TFEC: variants seen among roughly 807,000 people sequenced by gnomAD.
TFEC encodes transcription factor EC.
Under a neutral mutation model 41.6 loss-of-function variants are expected in TFEC, and 31 were observed. The ratio of observed to expected loss-of-function variants is 0.74; its 90% CI spans 0.56 to 1.01. The LOEUF is 1.01. Ranked by LOEUF, TFEC falls within the 50% of genes least tolerant of loss-of-function variation. The pLI, the probability that TFEC is intolerant of heterozygous loss-of-function variation, is 0.00. For missense variants in TFEC, 402 were observed against 404.1 expected, an observed-to-expected ratio of 0.99 and a Z score of 0.04; for synonymous variants, 143 against 140.6, an observed-to-expected ratio of 1.02 and a Z score of -0.12.
rs940571527 is a variant in TFEC at position 115,939,985 on chromosome 7, C to A, written c.*566G>T. The A allele has an allele frequency of 6.6e-6, 1 of 151,950 alleles. No individual in the cohort carries two copies. The allele number at this position is 151,950 out of a possible 1,614,324, so 9.4% of individuals were successfully genotyped here. The stretch of plus-strand genomic sequence containing the variant: ...TATCCATATTTTATTGTGGAAAATT[C>A]TCACATTTATTGTAGATTTGCCTTT... On this transcript the variant is annotated 3_prime_UTR_variant, in exon 8 of 8. Transcript: ENST00000265440.
chr7:115,974,000 A>G (rs938467759), intron 3 of TFEC, among the ~76,000 whole-genome samples, 170 bp downstream of exon 3: 10 of 152,016 alleles, frequency 6.6e-5, no homozygotes, highest in Admixed American at 6.6e-5. Flanking sequence ...ATATTCTTCA[A>G]CCATTAGATA....
chr7:115,990,665 A>T (rs1451743741), intron 1 of TFEC, among the ~76,000 whole-genome samples: 1 of 152,196 alleles, frequency 6.6e-6, no homozygotes, highest in Non-Finnish European at 1.5e-5. Flanking sequence ...AAATGAAATG[A>T]GAAGAGAAGT....
chr7:115,960,401 G>T (rs1485521938), intron 3 of TFEC, among the ~76,000 whole-genome samples: 1 of 151,608 alleles, frequency 6.6e-6, no homozygotes, highest in Non-Finnish European at 1.5e-5. Flanking sequence ...GGGGTGAAAT[G>T]CTTAAATAAG....
At chr7:116,001,399 G>C (rs1308664076) in intron 1 of TFEC, among the ~76,000 whole-genome samples, 1 of 151,840 alleles carries the variant, frequency 6.6e-6, no homozygotes, top group Admixed American at 6.6e-5. Context: ...GGAGGCTGAG[G>C]CAGGAAAATT....
intron 3 of TFEC, among the ~76,000 whole-genome samples, chr7:116,064,791 A>G (rs1262333471): frequency 6.6e-6 from 1 of 152,186 alleles, no homozygotes; most frequent in East Asian, 1.9e-4. Flanking sequence ...AGCACCATGG[A>G]AAATCAAGGA....
chr7:116,039,733 C>T (rs908469906), intron 3 of TFEC, among the ~76,000 whole-genome samples: 1 of 151,770 alleles, frequency 6.6e-6, no homozygotes, highest in Non-Finnish European at 1.5e-5. Flanking sequence ...TTTACATTTC[C>T]TATTTTGAGT....
At chr7:116,072,063 C>T (rs1415384158) in intron 3 of TFEC, among the ~76,000 whole-genome samples, 1 of 151,580 alleles carries the variant, frequency 6.6e-6, no homozygotes, top group Admixed American at 6.6e-5. Context: ...ACAGCTATAG[C>T]TGAATATGTG....
At chr7:116,129,331 CCTT>C (rs1798281458) in intron 1 of TFEC, among the ~76,000 whole-genome samples, 1 of 146,270 alleles carries the variant, frequency 6.8e-6, no homozygotes, top group Non-Finnish European at 1.5e-5. Flanking sequence ...TCACCCTTGT[CCTT>C]TTTTTTTTCC....
In TFEC at chr7:116,082,687, C is replaced by A. The variant is rs557539664; in HGVS notation, c.198+28021G>T. 5.3e-5 allele frequency among the ~76,000 whole-genome samples: 8 copies of A among 151,894 alleles called. No individual in the cohort carries two copies. The East Asian group carries it at 1.5e-3, about 29-fold the overall frequency. ...TGCTCATATGAATTTGTGATAATGC[C>A]ATAATTTTTTTTGGCAAACATTAGG... is the stretch of plus-strand genomic sequence containing the variant. On this transcript the variant is annotated intron_variant, in intron 3 of 8. Transcript: ENST00000484212.
At chr7:116,134,117 T>C (rs144305093) in intron 1 of TFEC, among the ~76,000 whole-genome samples, 4 of 152,274 alleles carry the variant, frequency 2.6e-5, no homozygotes, top group African/African-American at 9.6e-5. Context: ...CTTAAATGTG[T>C]CTGGTTTATG....
intron 1 of TFEC, among the ~76,000 whole-genome samples, chr7:116,029,299 C>T (rs1372937224): frequency 6.6e-6 from 1 of 151,970 alleles, no homozygotes; most frequent in Non-Finnish European, 1.5e-5. Context: ...AAAGTTTAGC[C>T]TACTTAAAGT....
chr7:116,156,299 T>C (rs1205665241), intron 1 of TFEC, among the ~76,000 whole-genome samples: 1 of 152,216 alleles, frequency 6.6e-6, no homozygotes, highest in Non-Finnish European at 1.5e-5. Flanking sequence ...TAAACAAATT[T>C]GAATATTAGA....
chr7:116,016,090 G>A (rs1795179688), intron 1 of TFEC, among the ~76,000 whole-genome samples: 1 of 152,210 alleles, frequency 6.6e-6, no homozygotes, highest in Non-Finnish European at 1.5e-5. Context: ...CACAAGGAAA[G>A]TCAAGACAGA....
intron 3 of TFEC, among the ~76,000 whole-genome samples, chr7:115,962,099 A>C (rs902392231): frequency 6.6e-6 from 1 of 151,784 alleles, no homozygotes; most frequent in Non-Finnish European, 1.5e-5. Context: ...TTTAAATAGC[A>C]TCAAAAGGAA....
chr7:116,127,600 T>C lies in TFEC; in HGVS notation c.-68-15562A>G, dbSNP rs1052579036. On this transcript the variant is annotated intron_variant, in intron 1 of 8. Transcript: ENST00000484212. ...TTCTTTACCTTCAAGTACTCCAAGA[T>C]TACTCATTGAATTACTCATTGAATC... is the stretch of plus-strand genomic sequence containing the variant. Among the ~76,000 whole-genome samples the C allele has an allele frequency of 2.6e-5, 4 of 151,700 alleles. No homozygotes were observed. The South Asian group carries it at 8.3e-4, about 32-fold the overall frequency.
At chr7:115,994,799 A>G (rs1794287505) in intron 1 of TFEC, among the ~76,000 whole-genome samples, 2 of 152,184 alleles carry the variant, frequency 1.3e-5, no homozygotes, top group Admixed American at 6.5e-5. Flanking sequence ...TGATTCCTCA[A>G]GGATCTAGAA....
intron 1 of TFEC, among the ~76,000 whole-genome samples, chr7:115,987,452 G>T (rs1199098814): frequency 6.6e-6 from 1 of 152,156 alleles, no homozygotes; most frequent in Non-Finnish European, 1.5e-5. Flanking sequence ...CCAATATTTT[G>T]TGGGATAAAG....
intron 2 of TFEC, among the ~76,000 whole-genome samples, chr7:116,111,111 TAA>T (rs374892440): frequency 8.6e-5 from 12 of 139,322 alleles, no homozygotes; most frequent in Admixed American, 7.2e-5. Context: ...ATGTTCAAGT[TAA>T]AAAAAAAAAA....
intron 3 of TFEC, among the ~76,000 whole-genome samples, chr7:116,058,081 C>CA (rs1333348585): frequency 6.6e-6 from 1 of 151,592 alleles, no homozygotes; most frequent in African/African-American, 2.4e-5. Flanking sequence ...AATTAAAAGG[C>CA]AAAAATTGTT....
Sources: gnomAD v4.1 joint callset for allele counts (sites outside exome capture counted in the v4.1 genomes callset) on GRCh38, gnomAD v4.1.1 for gene constraint, MANE v1.5 for transcripts, NCBI Gene and HGNC (gene_info 2026-07-23, HGNC 2026-07-21) for gene names.